PRDM5: variants seen among roughly 807,000 people sequenced by gnomAD.
The protein encoded by PRDM5 is PR domain zinc finger protein 5.
PRDM5 carries 56 observed loss-of-function variants against 81.2 expected under a neutral mutation model. That is an observed-to-expected ratio of 0.69 (90% CI 0.56 to 0.86). The LOEUF is 0.86. Among genes scored for constraint, PRDM5 ranks in the 40% least tolerant of loss-of-function variants. PRDM5 has a pLI of 0.00. For missense variants in PRDM5, 697 were observed against 770.1 expected, an observed-to-expected ratio of 0.91 and a Z score of 1.12; for synonymous variants, 267 against 256.4, an observed-to-expected ratio of 1.04 and a Z score of -0.39.
chr4:120,718,787 A>G (rs1034762317), intron 14 of PRDM5, among the ~76,000 whole-genome samples: 1 of 152,222 alleles, frequency 6.6e-6, no homozygotes, highest in East Asian at 1.9e-4. Flanking sequence ...CTCAGCTGCT[A>G]CCATAGTGGC....
At position 120,710,188 on chromosome 4, in the gene PRDM5, G is replaced by C. The variant is rs1239905636; in HGVS notation, c.1728+121C>G. On this transcript the variant is annotated intron_variant, in intron 15 of 15. Coordinates refer to ENST00000264808, the MANE Select transcript of PRDM5 (RefSeq NM_018699.4). The stretch of plus-strand genomic sequence containing the variant: ...ATAGCATAAGACATTAACAGGCATA[G>C]GCACATTCCAGCAATGCAACACACA... The C allele has an allele frequency of 2.0e-5, 16 of 818,688 alleles. No individual in the cohort carries two copies. In the South Asian group the frequency reaches 2.2e-4, roughly 11 times the overall value. 50.7% of individuals were successfully genotyped at this position (818,688 alleles called of 1,614,324 possible). A position where few individuals can be genotyped will look rare whatever the true frequency, so the allele number is the denominator to read the frequency against.
At chr4:120,918,228 C>T (rs563778846) in intron 1 of PRDM5, among the ~76,000 whole-genome samples, 1 of 152,282 alleles carries the variant, frequency 6.6e-6, no homozygotes, top group Admixed American at 6.5e-5. Context: ...ACAAAGCTGC[C>T]TTGAGTCACT....
At chr4:120,903,904 T>C (rs2148667399) in intron 2 of PRDM5, among the ~76,000 whole-genome samples, 1 of 152,090 alleles carries the variant, frequency 6.6e-6, no homozygotes, top group Admixed American at 6.5e-5. Context: ...TAAACTTCCT[T>C]CCTGGCTGGG....
chr4:120,761,821 C>T (rs901228351), intron 13 of PRDM5, among the ~76,000 whole-genome samples: 1 of 152,060 alleles, frequency 6.6e-6, no homozygotes, highest in African/African-American at 2.4e-5. Flanking sequence ...CTAGCAGAGG[C>T]ACAGAAATCA....
chr4:120,778,134 G>A (rs192020424), intron 12 of PRDM5, among the ~76,000 whole-genome samples: 1 of 152,026 alleles, frequency 6.6e-6, no homozygotes, highest in Admixed American at 6.6e-5. Context: ...ATTCCTTCAG[G>A]TATGTACACA....
At chr4:120,912,945 G>A (rs915538934) in intron 1 of PRDM5, among the ~76,000 whole-genome samples, 6 of 152,148 alleles carry the variant, frequency 3.9e-5, no homozygotes, top group Non-Finnish European at 7.4e-5. Flanking sequence ...ATGTGCCTTT[G>A]CAATATAATT....
At chr4:120,869,215 T>A (rs566737666) in intron 2 of PRDM5, among the ~76,000 whole-genome samples, 2 of 152,194 alleles carry the variant, frequency 1.3e-5, no homozygotes, top group East Asian at 3.8e-4. Flanking sequence ...TCATTTATCA[T>A]AGGGCAAGGA....
rs534507352 is a variant in PRDM5, at chr4:120,693,252, C to T, written c.*1859G>A. Reference sequence around the variant, plus strand: ...TCAAGTTTTACATTCATCACATAATCGGGATATAAAGCATCCCATATAGAG... The same window carrying T: ...TCAAGTTTTACATTCATCACATAATTGGGATATAAAGCATCCCATATAGAG... On this transcript the variant is annotated 3_prime_UTR_variant, in exon 16 of 16. Coordinates refer to ENST00000264808, the MANE Select transcript of PRDM5 (RefSeq NM_018699.4). 1.4e-4 allele frequency: 21 copies of T among 152,112 alleles called. No individual in the cohort carries two copies. The highest frequency in any genetic ancestry group is 7.9e-4 in the Admixed American group (12 of 15,248). 9.4% of individuals were successfully genotyped at this position (152,112 alleles called of 1,614,324 possible).
At chr4:120,740,953 C>T (rs1741838084) in intron 14 of PRDM5, among the ~76,000 whole-genome samples, 1 of 152,222 alleles carries the variant, frequency 6.6e-6, no homozygotes. Context: ...GCCACCCTTA[C>T]TGTATCTGTA....
chr4:120,689,407 A>T, downstream of PRDM5, among the ~76,000 whole-genome samples: 1 of 151,878 alleles, frequency 6.6e-6, no homozygotes. Context: ...CCTGCTTTAT[A>T]TTCTTTTTTT....
intron 1 of PRDM5, among the ~76,000 whole-genome samples, chr4:120,917,048 CGCAAAG>C (rs1212872288): frequency 7.2e-5 from 11 of 152,212 alleles, no homozygotes; most frequent in African/African-American, 2.4e-4. Context: ...TCTCATTTCA[CGCAAAG>C]TAAAAGTCAA....
chr4:120,761,676 C>T (rs1745632901), intron 13 of PRDM5, among the ~76,000 whole-genome samples: 1 of 152,100 alleles, frequency 6.6e-6, no homozygotes, highest in Admixed American at 6.6e-5. Flanking sequence ...TATTCAACAT[C>T]TTGACACAAA....
chr4:120,868,888 T>A (rs779469656), intron 2 of PRDM5, among the ~76,000 whole-genome samples: 2 of 152,168 alleles, frequency 1.3e-5, no homozygotes, highest in African/African-American at 2.4e-5. Context: ...TACTTATGAA[T>A]ATTATATTCT....
rs1754835536 is a variant in PRDM5 at position 120,818,464 on chromosome 4, T to A, written c.539A>T (p.Asp180Val). The A allele has an allele frequency of 2.5e-6, 4 of 1,613,610 alleles. No individual in the cohort carries two copies. The highest frequency in any genetic ancestry group is 2.5e-6 in the Non-Finnish European group (3 of 1,179,652). The change falls in exon 5 of 16, where the codon GAT becomes GTT. Residue 180 changes from aspartate to valine, a missense_variant. Physicochemically the swap from Asp to Val is radical, Grantham distance 152. Around this residue, in one of 3 missense-constraint regions of PRDM5, gnomAD observed 577 missense variants for 606.7 expected, o/e 0.95. Transcript: ENST00000264808. ...TGTCTGGAGATGCTCAGCAAGAATA[T>A]CCTCACTGGTAAAACTCGATTCACA... ...PQCESSFTSE[D>V]ILAEHLQTLH...
intron 2 of PRDM5, among the ~76,000 whole-genome samples, chr4:120,863,189 T>TACACACACAC (rs1232966826): frequency 2.8e-3 from 103 of 37,336 alleles, no homozygotes; most frequent in African/African-American, 5.8e-3. Context: ...TATATATATA[T>TACACACACAC]ATACACACAC....
intron 15 of PRDM5, among the ~76,000 whole-genome samples, chr4:120,704,155 A>G (rs780974491): frequency 2.0e-5 from 3 of 152,172 alleles, no homozygotes; most frequent in Non-Finnish European, 2.9e-5. Context: ...ATGAGATGGG[A>G]ACACTCCAAC....
intron 10 of PRDM5, among the ~76,000 whole-genome samples, chr4:120,793,934 T>G (rs78610650): frequency 0.2 from 30,221 of 151,964 alleles, 3,631 homozygotes; most frequent in Non-Finnish European, 0.28. Flanking sequence ...TCATTATGCT[T>G]CAATAAATAA....
chr4:120,891,306 T>C (rs3115316), intron 2 of PRDM5, among the ~76,000 whole-genome samples: 26,820 of 152,166 alleles, frequency 0.18, 3,022 homozygotes, highest in African/African-American at 0.31. Context: ...CTAGGCTTTC[T>C]AATTTGTGTG....
At chr4:120,779,891 C>T (rs1455475805) in intron 12 of PRDM5, among the ~76,000 whole-genome samples, 1 of 151,982 alleles carries the variant, frequency 6.6e-6, no homozygotes, top group Non-Finnish European at 1.5e-5. Flanking sequence ...GCCTGGGTGA[C>T]AGAGTGAGAC....
Sources: allele counts gnomAD v4.1 joint callset (sites outside exome capture counted in the v4.1 genomes callset), GRCh38; gene constraint gnomAD v4.1.1; regional missense constraint gnomAD v4.1.1; transcripts MANE v1.5; gene names NCBI Gene and HGNC (gene_info 2026-07-23, HGNC 2026-07-21).